The following NKAIN3 variants were observed in gnomAD, a reference collection of about 807,000 sequenced individuals.
The protein encoded by NKAIN3 is sodium/potassium transporting ATPase interacting 3.
NKAIN3 carries 25 observed loss-of-function variants against 30.2 expected under a neutral mutation model. That is an observed-to-expected ratio of 0.83 (90% CI 0.60 to 1.16). NKAIN3 has a LOEUF of 1.16. Ranked by LOEUF, NKAIN3 falls within the 50% of genes most tolerant of loss-of-function variation. The pLI is 0.00. For missense variants in NKAIN3, 225 were observed against 254.1 expected (o/e 0.89, Z 0.78); for synonymous variants, 91 against 89.6 (o/e 1.02, Z -0.09).
chr8:62,924,389 T>G (rs531926888), intron 5 of NKAIN3, among the ~76,000 whole-genome samples: 1 of 152,250 alleles, frequency 6.6e-6, no homozygotes, highest in Non-Finnish European at 1.5e-5. Context: ...TTTAAAGTCA[T>G]ATTATTCACC....
rs994164752 is a variant in NKAIN3, at chr8:62,931,691, A to G, written c.532+13178A>G. ...TTAATAGTTGTTGGAACAAAAGAAA[A>G]TCTCATTCCATAAAATAATCTAGCA... On this transcript the variant is annotated intron_variant, in intron 5 of 6. Transcript: ENST00000623646. 3.9e-5 allele frequency among the ~76,000 whole-genome samples: 6 copies of G among 152,332 alleles called. No homozygotes were observed. The South Asian group carries it at 1.2e-3, about 32-fold the overall frequency.
chr8:62,878,485 G>T (rs1820867126), intron 4 of NKAIN3, among the ~76,000 whole-genome samples: 1 of 151,966 alleles, frequency 6.6e-6, no homozygotes, highest in Non-Finnish European at 1.5e-5. Flanking sequence ...GAGATTTACT[G>T]TTGTTGTGTT....
intron 3 of NKAIN3, among the ~76,000 whole-genome samples, chr8:62,699,641 T>C (rs1423375481): frequency 2.6e-5 from 4 of 152,214 alleles, no homozygotes; most frequent in Admixed American, 2.0e-4. Flanking sequence ...TTCATGCTTG[T>C]CCTATCCTTT....
chr8:62,403,434 G>A (rs1311184645), intron 1 of NKAIN3, among the ~76,000 whole-genome samples: 1 of 152,114 alleles, frequency 6.6e-6, no homozygotes, highest in East Asian at 1.9e-4. Flanking sequence ...CAGGCCCAGA[G>A]GCTTAAAAGG....
intron 3 of NKAIN3, among the ~76,000 whole-genome samples, chr8:62,658,336 T>C (rs986313749): frequency 2.6e-5 from 4 of 152,146 alleles, no homozygotes; most frequent in Non-Finnish European, 5.9e-5. Context: ...AAATTTAATT[T>C]CGCGGTGAGG....
At chr8:62,722,792 G>A (rs1424916065) in intron 3 of NKAIN3, among the ~76,000 whole-genome samples, 1 of 152,120 alleles carries the variant, frequency 6.6e-6, no homozygotes, top group African/African-American at 2.4e-5. Flanking sequence ...TGACTCTAAT[G>A]GAGAGTCAGG....
At chr8:62,473,672 C>A (rs1014397459) in intron 1 of NKAIN3, among the ~76,000 whole-genome samples, 1 of 152,104 alleles carries the variant, frequency 6.6e-6, no homozygotes, top group Non-Finnish European at 1.5e-5. Flanking sequence ...GAACTTGACA[C>A]ATTTCTCTGA....
At chr8:62,939,644 C>T (rs1324139113) in intron 5 of NKAIN3, among the ~76,000 whole-genome samples, 3 of 151,704 alleles carry the variant, frequency 2.0e-5, no homozygotes, top group African/African-American at 4.8e-5. Flanking sequence ...ATTTTGTATC[C>T]AACAAAACCA....
At chr8:62,949,185 G>A (rs989463642) in intron 5 of NKAIN3, among the ~76,000 whole-genome samples, 4 of 152,170 alleles carry the variant, frequency 2.6e-5, no homozygotes, top group Non-Finnish European at 4.4e-5. Flanking sequence ...CTCCTGAACA[G>A]CAGCACGAGA....
intron 1 of NKAIN3, among the ~76,000 whole-genome samples, chr8:62,279,666 C>G (rs1813100257): frequency 6.6e-6 from 1 of 152,116 alleles, no homozygotes; most frequent in African/African-American, 2.4e-5. Flanking sequence ...TCAGGTTTGT[C>G]AAAGATCAGA....
chr8:62,307,477 G>A (rs977309944), intron 1 of NKAIN3, among the ~76,000 whole-genome samples: 2 of 149,304 alleles, frequency 1.3e-5, no homozygotes, highest in South Asian at 2.1e-4. Flanking sequence ...CACCATGTGC[G>A]TCAGACACTT....
At chr8:62,917,285 A>T (rs1822137400) in intron 4 of NKAIN3, among the ~76,000 whole-genome samples, 2 of 152,160 alleles carry the variant, frequency 1.3e-5, no homozygotes. Flanking sequence ...GCTTCCCAAA[A>T]TGTAAGAAAT....
intron 4 of NKAIN3, among the ~76,000 whole-genome samples, chr8:62,846,248 T>C (rs888239880): frequency 3.9e-5 from 6 of 152,182 alleles, no homozygotes; most frequent in East Asian, 3.8e-4. Context: ...GAATTTTCTT[T>C]TTTCAAAGTT....
intron 3 of NKAIN3, among the ~76,000 whole-genome samples, chr8:62,741,007 C>G (rs1478049541): frequency 2.7e-5 from 4 of 148,212 alleles, no homozygotes; most frequent in African/African-American, 9.9e-5. Context: ...TTCTTACTAC[C>G]TTGACTCCTA....
chr8:62,583,165 T>C (rs184141402), intron 2 of NKAIN3, among the ~76,000 whole-genome samples: 3 of 152,168 alleles, frequency 2.0e-5, no homozygotes, highest in Admixed American at 2.0e-4. Context: ...GCTCAGTACA[T>C]ACTTATTGAT....
intron 4 of NKAIN3, among the ~76,000 whole-genome samples, chr8:62,796,257 G>A (rs1028915351): frequency 2.0e-5 from 3 of 151,638 alleles, no homozygotes; most frequent in Admixed American, 2.0e-4. Context: ...GGTGGTGCAT[G>A]CCTGTAATCC....
At chr8:62,365,777 T>A (rs1052734956) in intron 1 of NKAIN3, among the ~76,000 whole-genome samples, 3 of 4,894 alleles carry the variant, frequency 6.1e-4, no homozygotes, top group Non-Finnish European at 1.9e-3. Flanking sequence ...ACTATAAAAT[T>A]TTTTTTTTAA....
At chr8:62,829,984 T>A (rs1819145582) in intron 4 of NKAIN3, among the ~76,000 whole-genome samples, 1 of 152,058 alleles carries the variant, frequency 6.6e-6, no homozygotes, top group Non-Finnish European at 1.5e-5. Flanking sequence ...AAGTGGGAAA[T>A]GAACAAATTG....
chr8:62,641,296 AT>A (rs950940235), intron 3 of NKAIN3, among the ~76,000 whole-genome samples: 2 of 152,134 alleles, frequency 1.3e-5, no homozygotes, highest in Non-Finnish European at 2.9e-5. Flanking sequence ...AATTGCTTTG[AT>A]TTTTGTTCAT....
Sources: gnomAD v4.1 joint callset for allele counts (sites outside exome capture counted in the v4.1 genomes callset) on GRCh38, gnomAD v4.1.1 for gene constraint, MANE v1.5 for transcripts, NCBI Gene and HGNC (gene_info 2026-07-23, HGNC 2026-07-21) for gene names.